Variants in KCND3 observed in about 807,000 individuals in gnomAD.
KCND3 encodes the protein A-type voltage-gated potassium channel KCND3.
In KCND3, 9 loss-of-function variants were observed where a neutral mutation model predicts 51.1. That is an observed-to-expected ratio of 0.18 (90% CI 0.11 to 0.31). The LOEUF (loss-of-function observed/expected upper bound fraction) is 0.31. Among genes scored for constraint, KCND3 ranks in the 10% least tolerant of loss-of-function variants. The probability of loss-of-function intolerance (pLI) is 1.00; values close to 1 mark genes in which losing one functional copy is unlikely to be tolerated. For synonymous variants in KCND3, 349 were observed against 368.0 expected, an observed-to-expected ratio of 0.95 and a Z score of 0.59; for missense variants, 526 against 903.8, an observed-to-expected ratio of 0.58 and a Z score of 5.36.
intron 2 of KCND3, among the ~76,000 whole-genome samples, chr1:111,872,374 C>G (rs1274380212): frequency 1.3e-5 from 2 of 152,168 alleles, no homozygotes; most frequent in African/African-American, 4.8e-5. Flanking sequence ...GACAGAGAAG[C>G]CCTACACTGA....
At chr1:111,851,304 T>C (rs769098460) in intron 2 of KCND3, among the ~76,000 whole-genome samples, 2 of 152,226 alleles carry the variant, frequency 1.3e-5, no homozygotes, top group Non-Finnish European at 2.9e-5. Flanking sequence ...CACCTTCATA[T>C]CATCTAACAC....
chr1:111,977,988 G>A (rs1674733420), intron 2 of KCND3, among the ~76,000 whole-genome samples: 1 of 152,170 alleles, frequency 6.6e-6, no homozygotes, highest in African/African-American at 2.4e-5. Flanking sequence ...CAGCTGTCAG[G>A]GGGCTCAAGG....
intron 2 of KCND3, among the ~76,000 whole-genome samples, chr1:111,896,038 G>C (rs530563264): frequency 6.6e-6 from 1 of 152,236 alleles, no homozygotes; most frequent in Non-Finnish European, 1.5e-5. Flanking sequence ...GCCAGGATGC[G>C]AGAGCTGACT....
At chr1:111,904,353 T>C (rs897143458) in intron 2 of KCND3, among the ~76,000 whole-genome samples, 4 of 152,064 alleles carry the variant, frequency 2.6e-5, no homozygotes, top group Non-Finnish European at 2.9e-5. Flanking sequence ...CCAAGGCCTA[T>C]GGGTGGGGTT....
intron 2 of KCND3, among the ~76,000 whole-genome samples, chr1:111,801,001 C>T (rs1178564677): frequency 6.6e-6 from 1 of 152,260 alleles, no homozygotes; most frequent in African/African-American, 2.4e-5. Context: ...TCTGGTCAAG[C>T]GGTGGAGCCC....
intron 2 of KCND3, among the ~76,000 whole-genome samples, chr1:111,883,635 G>A (rs1192809591): frequency 6.6e-6 from 1 of 152,222 alleles, no homozygotes. Flanking sequence ...ACTACACTGA[G>A]TGACGGAGGA....
chr1:111,921,264 T>C lies in KCND3; in HGVS notation c.1106+60357A>G, dbSNP rs115758163. On this transcript the variant is annotated intron_variant, in intron 2 of 7. Coordinates refer to ENST00000302127, the MANE Select transcript of KCND3 (RefSeq NM_001378969.1). ...TGTGCAAGGCTACAGCTGAAAAATG[T>C]GTAGCTGGAATTTGCTTTTACAGCC... Among the ~76,000 whole-genome samples, 705 of 152,312 alleles carry C rather than the reference T, an allele frequency of 4.6e-3. 5 individuals are homozygous for C. Among genetic ancestry groups the C allele is most frequent in the African/African-American group, 0.016 (652 of 41,566 alleles).
At chr1:111,987,207 G>A (rs559178145) in intron 1 of KCND3, among the ~76,000 whole-genome samples, 61 of 152,204 alleles carry the variant, frequency 4.0e-4, no homozygotes, top group African/African-American at 1.4e-3. Context: ...GCCAAGCTGA[G>A]TCCCATCACC....
At chr1:111,954,419 A>T (rs746657993) in intron 2 of KCND3, among the ~76,000 whole-genome samples, 1 of 152,248 alleles carries the variant, frequency 6.6e-6, no homozygotes, top group Non-Finnish European at 1.5e-5. Flanking sequence ...TAAACTGAAC[A>T]TACAGAACTG....
At chr1:111,900,306 G>A (rs1027596485) in intron 2 of KCND3, among the ~76,000 whole-genome samples, 8 of 152,048 alleles carry the variant, frequency 5.3e-5, no homozygotes, top group African/African-American at 1.5e-4. Context: ...GCATTTCCCC[G>A]GACCTGCCTT....
intron 2 of KCND3, among the ~76,000 whole-genome samples, chr1:111,966,460 G>A (rs1673991537): frequency 6.6e-6 from 1 of 152,130 alleles, no homozygotes; most frequent in African/African-American, 2.4e-5. Flanking sequence ...AGAAGAAGGG[G>A]TGAGAGCTCT....
Position 111,780,175 on chromosome 1 carries a change from A to G in KCND3, c.1461+50T>C, listed in dbSNP as rs1295148076. The stretch of plus-strand genomic sequence containing the variant: ...TGAAGATGTGAGTACAGCCTTAGAA[A>G]AGGGTCAGGGTCAGCGATGAAAAGG... On this transcript the variant is annotated intron_variant, in intron 5 of 7. Transcript: ENST00000302127. The surrounding 1 kb of genome is among the most constrained non-coding windows in gnomAD (Gnocchi z 4.2). 1.3e-6 allele frequency: 2 copies of G among 1,505,298 alleles called. No individual in the cohort carries two copies. Among genetic ancestry groups the G allele is most frequent in the South Asian group, 2.4e-5 (2 of 83,196 alleles). The allele number at this position is 1,505,298 out of a possible 1,614,324, so 93.2% of individuals were successfully genotyped here.
At chr1:111,877,279 G>A (rs575087396) in intron 2 of KCND3, among the ~76,000 whole-genome samples, 11 of 152,352 alleles carry the variant, frequency 7.2e-5, no homozygotes, top group Admixed American at 1.3e-4. Flanking sequence ...GATCTACAGT[G>A]GAATTGGGAT....
chr1:111,965,476 A>C (rs1673926916), intron 2 of KCND3, among the ~76,000 whole-genome samples: 1 of 149,830 alleles, frequency 6.7e-6, no homozygotes, highest in Non-Finnish European at 1.5e-5. Context: ...ACACACACAC[A>C]CACACACACA....
intron 2 of KCND3, among the ~76,000 whole-genome samples, chr1:111,897,841 C>T (rs1352784880): frequency 6.6e-6 from 1 of 152,188 alleles, no homozygotes; most frequent in African/African-American, 2.4e-5. Context: ...TATTTAGAAC[C>T]TGAAGAATAG....
chr1:111,966,927 G>T (rs1487942206), intron 2 of KCND3, among the ~76,000 whole-genome samples: 1 of 152,080 alleles, frequency 6.6e-6, no homozygotes, highest in Non-Finnish European at 1.5e-5. Flanking sequence ...GAACACCTGA[G>T]ATCAGGAGTT....
intron 2 of KCND3, among the ~76,000 whole-genome samples, chr1:111,940,256 T>C (rs1274987537): frequency 2.0e-5 from 3 of 152,022 alleles, no homozygotes; most frequent in African/African-American, 7.2e-5. Context: ...CAATTCTGGC[T>C]TTTGTTGCCA....
chr1:111,936,260 T>C (rs1160751481), intron 2 of KCND3, among the ~76,000 whole-genome samples: 1 of 152,134 alleles, frequency 6.6e-6, no homozygotes, highest in Non-Finnish European at 1.5e-5. Context: ...CTTAATAATA[T>C]TTACCAAGTC....
intron 2 of KCND3, among the ~76,000 whole-genome samples, chr1:111,817,439 A>ATAACAATGT (rs1349188919): frequency 2.6e-5 from 4 of 152,262 alleles, no homozygotes; most frequent in Non-Finnish European, 5.9e-5. Flanking sequence ...TAGTAAATGC[A>ATAACAATGT]TAACAATGTT....
Sources: gnomAD v4.1 joint callset for allele counts (sites outside exome capture counted in the v4.1 genomes callset) on GRCh38, gnomAD v4.1.1 for gene constraint, Gnocchi (gnomAD v3.1) non-coding constraint, MANE v1.5 for transcripts, NCBI Gene and HGNC (gene_info 2026-07-23, HGNC 2026-07-21) for gene names.